Variants in CSPP1 observed in about 807,000 individuals in gnomAD.
The protein encoded by CSPP1 is centrosome and spindle pole associated protein 1.
Under a neutral mutation model 164.4 loss-of-function variants are expected in CSPP1, and 126 were observed. The observed-to-expected ratio is 0.77, with a 90% CI of 0.66 to 0.89. The LOEUF (loss-of-function observed/expected upper bound fraction) is 0.89. Ranked by LOEUF, CSPP1 falls within the 40% of genes least tolerant of loss-of-function variation. The pLI, the probability that CSPP1 is intolerant of heterozygous loss-of-function variation, is 0.00. For synonymous variants in CSPP1, 472 were observed against 476.7 expected (o/e 0.99, Z 0.13); for missense variants, 1,395 against 1,449.8 (o/e 0.96, Z 0.61).
At chr8:67,135,323 TA>T (rs1822032865) in intron 16 of CSPP1, 1 of 152,152 alleles carries the variant, frequency 6.6e-6, no homozygotes, top group Non-Finnish European at 1.5e-5. Context: ...TTTTATTTTT[TA>T]TTTTTTTTTG....
chr8:67,194,063 TCGTCTC>T (rs1208403248), intron 30 of CSPP1, among the ~76,000 whole-genome samples: 1 of 118,156 alleles, frequency 8.5e-6, no homozygotes, highest in African/African-American at 5.3e-5. Context: ...ATAAAGCTAG[TCGTCTC>T]CTCATTATGA....
chr8:67,065,511 T>A, intron 1 of CSPP1: 1 of 980,196 alleles, frequency 1.0e-6, no homozygotes, highest in Non-Finnish European at 1.2e-6. Flanking sequence ...ACTTGTAATG[T>A]TGACAAGCTC....
At chr8:67,083,031 T>C (rs13278667) in intron 3 of CSPP1, among the ~76,000 whole-genome samples, 3 of 152,186 alleles carry the variant, frequency 2.0e-5, no homozygotes, top group African/African-American at 7.2e-5. Context: ...TTTATGTCTG[T>C]GACTTACCTC....
At chr8:67,184,438 C>T (rs1833865872) in intron 28 of CSPP1, among the ~76,000 whole-genome samples, 1 of 152,050 alleles carries the variant, frequency 6.6e-6, no homozygotes, top group Non-Finnish European at 1.5e-5. Flanking sequence ...TTACTAATAC[C>T]AGAAACAGGG....
At chr8:67,103,779 G>A (rs1814695160) in intron 8 of CSPP1, among the ~76,000 whole-genome samples, 2 of 148,502 alleles carry the variant, frequency 1.3e-5, no homozygotes, top group African/African-American at 2.5e-5. Context: ...GGCGGAGCTT[G>A]CAGTGAGCCG....
At chr8:67,194,987 A>AAAG (rs1476177263) in intron 30 of CSPP1, among the ~76,000 whole-genome samples, 3 of 151,656 alleles carry the variant, frequency 2.0e-5, no homozygotes, top group Non-Finnish European at 2.9e-5. Flanking sequence ...AAAAAAATAA[A>AAAG]AAGAAAAAAG....
intron 25 of CSPP1, chr8:67,174,382 C>A (rs1338690751): frequency 6.6e-6 from 1 of 152,020 alleles, no homozygotes. Context: ...CTTTATATTC[C>A]AGCAGTGTAA....
chr8:67,129,493 C>T (rs1198018976), intron 15 of CSPP1, among the ~76,000 whole-genome samples: 3 of 152,100 alleles, frequency 2.0e-5, no homozygotes, highest in South Asian at 4.1e-4. Context: ...TATGATACTG[C>T]AATTCCATTC....
intron 4 of CSPP1, among the ~76,000 whole-genome samples, chr8:67,087,504 G>C (rs1166679846): frequency 6.6e-6 from 1 of 152,208 alleles, no homozygotes; most frequent in Non-Finnish European, 1.5e-5. Context: ...TAATGATCAA[G>C]ATAGTCCTCA....
intron 3 of CSPP1, among the ~76,000 whole-genome samples, chr8:67,078,575 G>A (rs1171628006): frequency 3.9e-5 from 6 of 152,030 alleles, no homozygotes; most frequent in Non-Finnish European, 5.9e-5. Context: ...AGGCTGGTCT[G>A]GTCTCGAACT....
chr8:67,107,503 T>G (rs1417394148), intron 9 of CSPP1, among the ~76,000 whole-genome samples: 1 of 152,214 alleles, frequency 6.6e-6, no homozygotes, highest in African/African-American at 2.4e-5. Context: ...GATTTATAGA[T>G]GAATATTTGG....
At chr8:67,149,430 A>T (rs1401615865) in intron 17 of CSPP1, among the ~76,000 whole-genome samples, 2 of 152,208 alleles carry the variant, frequency 1.3e-5, no homozygotes, top group African/African-American at 4.8e-5. Context: ...GACCGATGAC[A>T]GGTAAATTAC....
Position 67,072,898 on chromosome 8 carries a change from A to G in CSPP1, c.-10-1345A>G, listed in dbSNP as rs908705366. 3.9e-5 allele frequency among the ~76,000 whole-genome samples: 6 copies of G among 151,950 alleles called. No homozygotes were observed. The Middle Eastern group carries it at 0.01, about 258-fold the overall frequency. On this transcript the variant is annotated intron_variant, in intron 1 of 30. Transcript: ENST00000678616. ...AAAAAAAAAAAAAAAAAAGAAAGAA[A>G]GAAAAGCTAATTTTAACAAAAGGGC...
intron 3 of CSPP1, chr8:67,081,122 G>A (rs780182401): frequency 2.0e-5 from 3 of 152,102 alleles, no homozygotes; most frequent in Non-Finnish European, 4.4e-5. Flanking sequence ...GATTCACTTC[G>A]TTAGTATAAA....
In CSPP1 at chr8:67,104,971, T is replaced by A. The variant is rs1304330998; in HGVS notation, c.1023-934T>A. On this transcript the variant is annotated intron_variant, in intron 8 of 30. Transcript: ENST00000678616. ...GCACATATATATATATATATATTTT[T>A]TTTTTTTTTTTTTTTTTTTTTACTG... Among the ~76,000 whole-genome samples the A allele has an allele frequency of 2.5e-3, 347 of 139,998 alleles. 1 individual carries two copies. Among genetic ancestry groups the A allele is most frequent in the African/African-American group, 7.9e-3 (288 of 36,602 alleles). The allele number at this position is 139,998 out of a possible 152,430, so 91.8% of individuals were successfully genotyped here. A position where few individuals can be genotyped will look rare whatever the true frequency, so the allele number is the denominator to read the frequency against.
intron 8 of CSPP1, among the ~76,000 whole-genome samples, chr8:67,104,621 G>T (rs1472644285): frequency 6.7e-6 from 1 of 149,656 alleles, no homozygotes. Flanking sequence ...TTTTATTTAC[G>T]TGCACTTTTT....
chr8:67,122,516 C>G (rs1819171686), intron 15 of CSPP1, among the ~76,000 whole-genome samples: 1 of 152,138 alleles, frequency 6.6e-6, no homozygotes. Context: ...GTGTTGTTTA[C>G]TTTCCACATA....
chr8:67,140,934 G>A (rs960475759), intron 17 of CSPP1, among the ~76,000 whole-genome samples: 1 of 152,116 alleles, frequency 6.6e-6, no homozygotes, highest in African/African-American at 2.4e-5. Context: ...CCTAGTTATA[G>A]GTTCTAACCT....
chr8:67,111,014 G>A (rs999069801), intron 9 of CSPP1, among the ~76,000 whole-genome samples: 1 of 152,096 alleles, frequency 6.6e-6, no homozygotes, highest in African/African-American at 2.4e-5. Context: ...CTCTACGGGA[G>A]CTTCACTTTT....
Sources: allele counts gnomAD v4.1 joint callset (sites outside exome capture counted in the v4.1 genomes callset), GRCh38; gene constraint gnomAD v4.1.1; transcripts MANE v1.5; gene names NCBI Gene and HGNC (gene_info 2026-07-23, HGNC 2026-07-21).